RNF2: variants seen among roughly 807,000 people sequenced by gnomAD.
RNF2 encodes ring finger protein 2.
In RNF2, 6 loss-of-function variants were observed where a neutral mutation model predicts 37.2. The ratio of observed to expected loss-of-function variants is 0.16; its 90% CI spans 0.09 to 0.32. RNF2 has a LOEUF of 0.32. RNF2 is among the 10% of genes least tolerant of loss of function. The probability of loss-of-function intolerance (pLI) is 1.00; values close to 1 mark genes in which losing one functional copy is unlikely to be tolerated. For synonymous variants in RNF2, 133 were observed against 132.7 expected (o/e 1.00, Z -0.02); for missense variants, 251 against 404.0 (o/e 0.62, Z 3.25).
intron 3 of RNF2, 45 bp downstream of exon 3, chr1:185,091,784 G>GA (rs1557973685): frequency 1.3e-6 from 2 of 1,499,208 alleles, no homozygotes; most frequent in East Asian, 4.6e-5. Flanking sequence ...ATTGTACCAC[G>GA]AAAGTGCTTT....
chr1:185,077,625 G>GTTTTTTTTTTTTTTTTTTTTTTTTTTTTT (rs528747420), intron 1 of RNF2, among the ~76,000 whole-genome samples: 4 of 115,696 alleles, frequency 3.5e-5, no homozygotes, highest in African/African-American at 1.3e-4. Context: ...AATTAACTTT[G>GTTTTTTTTTTTTTTTTTTTTTTTTTTTTT]TTTTTTTTTT....
In RNF2 at chr1:185,067,563, CTA is replaced by C. The variant is rs2102168151; in HGVS notation, c.-2-19987_-2-19986del. 5.3e-5 allele frequency among the ~76,000 whole-genome samples: 8 copies of C among 152,078 alleles called. 1 individual carries two copies. In the South Asian group the frequency reaches 1.5e-3, roughly 28 times the overall value. On this transcript the variant is annotated intron_variant, in intron 1 of 6. Coordinates refer to ENST00000367510, the MANE Select transcript of RNF2 (RefSeq NM_007212.4). ...TTACTGTGTTCAGAAGGGACAGTAA[CTA>C]TGAGAGAAAAACATATCTCATTAAA...
At chr1:185,094,480 C>T (rs2102203614) in intron 4 of RNF2, among the ~76,000 whole-genome samples, 1 of 150,800 alleles carries the variant, frequency 6.6e-6, no homozygotes, top group South Asian at 2.2e-4. Context: ...ATCCTGTATT[C>T]CAGTCCGTAA....
chr1:185,049,038 C>T (rs907890210), intron 1 of RNF2, among the ~76,000 whole-genome samples: 9 of 152,014 alleles, frequency 5.9e-5, no homozygotes, highest in African/African-American at 2.2e-4. Context: ...CCAGTCTGAC[C>T]AACTTGGTGA....
intron 1 of RNF2, among the ~76,000 whole-genome samples, chr1:185,060,829 A>C (rs2102160573): frequency 6.6e-6 from 1 of 152,314 alleles, no homozygotes; most frequent in South Asian, 2.1e-4. Context: ...TTAAGAATTG[A>C]GGAAACAGGC....
intron 1 of RNF2, among the ~76,000 whole-genome samples, chr1:185,050,807 A>G (rs1650248576): frequency 6.6e-6 from 1 of 152,228 alleles, no homozygotes; most frequent in African/African-American, 2.4e-5. Context: ...CAGAGCCAGC[A>G]ATTTTGACAG....
intron 2 of RNF2, among the ~76,000 whole-genome samples, chr1:185,090,229 G>A (rs1418872374): frequency 1.3e-5 from 2 of 152,152 alleles, no homozygotes; most frequent in Non-Finnish European, 2.9e-5. Flanking sequence ...CGAGGCTGGT[G>A]AAATTTTTAG....
intron 1 of RNF2, among the ~76,000 whole-genome samples, chr1:185,083,453 T>C (rs1208396577): frequency 1.3e-5 from 2 of 152,044 alleles, no homozygotes; most frequent in African/African-American, 4.8e-5. Flanking sequence ...TGTTCCACAG[T>C]ATAAAGTCTT....
At position 185,091,570 on chromosome 1, in the gene RNF2, CTT is replaced by C; in HGVS notation, c.88-6_88-5del. On this transcript the variant is annotated splice_region_variant and splice_polypyrimidine_tract_variant and intron_variant, in intron 2 of 6. Transcript: ENST00000367510. ...AGTAGCTTTTAATTTTAAAGTGACT[CTT>C]TTACAGGAGGCAATAACAGATGGCT... The C allele has an allele frequency of 6.2e-7, 1 of 1,611,650 alleles. No homozygotes were observed. Among genetic ancestry groups the C allele is most frequent in the Non-Finnish European group, 8.5e-7 (1 of 1,179,292 alleles).
intron 1 of RNF2, among the ~76,000 whole-genome samples, chr1:185,076,786 G>A (rs1005808996): frequency 1.3e-5 from 2 of 151,748 alleles, no homozygotes; most frequent in Non-Finnish European, 2.9e-5. Flanking sequence ...TGAGATCATA[G>A]TGTTGCTTTC....
intron 1 of RNF2, among the ~76,000 whole-genome samples, chr1:185,047,823 A>G (rs777188597): frequency 3.9e-4 from 60 of 152,190 alleles, no homozygotes; most frequent in Non-Finnish European, 6.9e-4. Flanking sequence ...CACATCTACA[A>G]TTGGTTTTTA....
At chr1:185,088,865 A>G (rs1324736119) in intron 2 of RNF2, among the ~76,000 whole-genome samples, 1 of 152,244 alleles carries the variant, frequency 6.6e-6, no homozygotes, top group East Asian at 1.9e-4. Context: ...AAAGTAATTT[A>G]GAGATGATTT....
chr1:185,100,209 G>A lies in RNF2; in HGVS notation c.919G>A (p.Gly307Ser). ...TASGQFTVLNGSFSLELVSEK... is the reference protein window; with the variant it reads ...TASGQFTVLNSSFSLELVSEK... ...TTCTTTTTTGTTTTAGGTATTAAAT[G>A]GCTCTTTTTCTTTGGAATTGGTCAG... Residue 307 changes from glycine to serine, a missense_variant, in exon 7 of 7, where the codon GGC becomes AGC. This residue lies in a region of RNF2 where 59 missense variants were observed against 69.1 expected (regional missense o/e 0.85). Transcript: ENST00000367510. 6.3e-7 allele frequency: 1 copy of A among 1,598,072 alleles called. No homozygotes were observed. The highest frequency in any genetic ancestry group is 8.5e-7 in the Non-Finnish European group (1 of 1,174,682).
chr1:185,051,218 A>T (rs968441141), intron 1 of RNF2, among the ~76,000 whole-genome samples: 3 of 152,176 alleles, frequency 2.0e-5, no homozygotes, highest in Admixed American at 1.3e-4. Flanking sequence ...TGCTATATAG[A>T]GTCTTATTCA....
intron 1 of RNF2, among the ~76,000 whole-genome samples, chr1:185,076,649 A>C (rs928014436): frequency 4.7e-5 from 7 of 149,656 alleles, no homozygotes; most frequent in African/African-American, 1.7e-4. Context: ...TTATTTGTTT[A>C]GGTATCTGAT....
At chr1:185,065,903 A>G (rs1034117276) in intron 1 of RNF2, among the ~76,000 whole-genome samples, 1 of 150,638 alleles carries the variant, frequency 6.6e-6, no homozygotes, top group Non-Finnish European at 1.5e-5. Flanking sequence ...TAGAACTTCC[A>G]CTAGTATGTT....
chr1:185,082,758 C>G (rs1651466368), intron 1 of RNF2, among the ~76,000 whole-genome samples: 2 of 152,138 alleles, frequency 1.3e-5, no homozygotes, highest in Non-Finnish European at 2.9e-5. Context: ...GCTTTACGAA[C>G]CATTTTGAAC....
At chr1:185,086,411 A>T (rs1651602908) in intron 1 of RNF2, among the ~76,000 whole-genome samples, 1 of 151,934 alleles carries the variant, frequency 6.6e-6, no homozygotes, top group Non-Finnish European at 1.5e-5. Flanking sequence ...ATGTCCCCCT[A>T]CTCAAAGACA....
At chr1:185,081,351 G>A (rs1172744068) in intron 1 of RNF2, among the ~76,000 whole-genome samples, 5 of 151,876 alleles carry the variant, frequency 3.3e-5, no homozygotes, top group African/African-American at 4.8e-5. Flanking sequence ...CGAGAGGTCC[G>A]ATGACTATGG....
Sources: gnomAD v4.1 joint callset for allele counts (sites outside exome capture counted in the v4.1 genomes callset) on GRCh38, gnomAD v4.1.1 for gene constraint, gnomAD v4.1.1 regional missense constraint, MANE v1.5 for transcripts, NCBI Gene and HGNC (gene_info 2026-07-23, HGNC 2026-07-21) for gene names.